The following MAD1L1 variants were observed in gnomAD, a reference collection of about 807,000 sequenced individuals.
MAD1L1 encodes mitotic spindle assembly checkpoint protein MAD1.
MAD1L1 carries 95 observed loss-of-function variants against 96.9 expected under a neutral mutation model. That is an observed-to-expected ratio of 0.98 (90% CI 0.83 to 1.16). The LOEUF (loss-of-function observed/expected upper bound fraction) is 1.16. Ranked by LOEUF, MAD1L1 falls within the 50% of genes most tolerant of loss-of-function variation. MAD1L1 has a pLI of 0.00. For missense variants in MAD1L1, 1,007 were observed against 954.4 expected (o/e 1.06, Z -0.73); for synonymous variants, 473 against 396.6 (o/e 1.19, Z -2.29).
At chr7:2,061,213 T>C (rs754964096) in intron 12 of MAD1L1, among the ~76,000 whole-genome samples, 19 of 152,312 alleles carry the variant, frequency 1.2e-4, no homozygotes, top group Non-Finnish European at 1.6e-4. Context: ...GGCGCGTGCC[T>C]GTAGTCCCAG....
chr7:2,113,965 C>T (rs764372395), intron 11 of MAD1L1, among the ~76,000 whole-genome samples: 1 of 152,200 alleles, frequency 6.6e-6, no homozygotes, highest in Non-Finnish European at 1.5e-5. Context: ...GGCCACCAAA[C>T]GCCATGGGGA....
intron 16 of MAD1L1, among the ~76,000 whole-genome samples, chr7:1,947,949 G>T (rs955561701): frequency 1.3e-5 from 2 of 152,210 alleles, no homozygotes; most frequent in Non-Finnish European, 2.9e-5. Context: ...GCAGCCTGAA[G>T]CAGACAGAGA....
At chr7:2,106,881 G>C (rs537649380) in intron 11 of MAD1L1, among the ~76,000 whole-genome samples, 1 of 152,226 alleles carries the variant, frequency 6.6e-6, no homozygotes, top group East Asian at 1.9e-4. Flanking sequence ...CCTGGCCCTG[G>C]CTGAGAGACA....
chr7:2,110,413 GA>G (rs1247584006), intron 11 of MAD1L1, among the ~76,000 whole-genome samples: 1 of 152,206 alleles, frequency 6.6e-6, no homozygotes, highest in African/African-American at 2.4e-5. Context: ...GCGGAAATCA[GA>G]CCCCGCAGGG....
At chr7:1,852,661 T>C (rs1784039618) in intron 18 of MAD1L1, among the ~76,000 whole-genome samples, 1 of 151,822 alleles carries the variant, frequency 6.6e-6, no homozygotes, top group African/African-American at 2.4e-5. Flanking sequence ...AGGGGAGAAA[T>C]CTAATAAAAA....
At chr7:2,225,247 CCCAGGGA>C (rs1318098203) in intron 4 of MAD1L1, among the ~76,000 whole-genome samples, 156 bp downstream of exon 4, 2 of 38,900 alleles carry the variant, frequency 5.1e-5, no homozygotes, top group African/African-American at 1.1e-4. Context: ...CCCCCTTGCT[CCCAGGGA>C]CTGGGATCTG....
intron 12 of MAD1L1, among the ~76,000 whole-genome samples, chr7:2,017,652 C>T (rs979975970): frequency 2.6e-5 from 4 of 152,180 alleles, no homozygotes; most frequent in East Asian, 1.9e-4. Context: ...GTTGAGTAGG[C>T]GCCCAGAGGA....
At chr7:1,956,976 AG>A in intron 16 of MAD1L1, among the ~76,000 whole-genome samples, 1 of 152,358 alleles carries the variant, frequency 6.6e-6, no homozygotes, top group East Asian at 1.9e-4. Flanking sequence ...GGCTCTGCTC[AG>A]CCCAACACCC....
intron 16 of MAD1L1, among the ~76,000 whole-genome samples, chr7:1,949,445 G>A (rs565899072): frequency 5.9e-5 from 9 of 152,324 alleles, no homozygotes; most frequent in South Asian, 2.1e-4. Flanking sequence ...GACTCAAGAC[G>A]TCCTTGAGAA....
chr7:1,888,492 G>C (rs973863010), intron 18 of MAD1L1, among the ~76,000 whole-genome samples: 6 of 151,728 alleles, frequency 4.0e-5, no homozygotes, highest in Non-Finnish European at 7.4e-5. Flanking sequence ...GTGCATGCAT[G>C]TATGTGGCTG....
chr7:1,925,944 A>T (rs1205579019), intron 17 of MAD1L1, among the ~76,000 whole-genome samples: 1 of 152,220 alleles, frequency 6.6e-6, no homozygotes, highest in Non-Finnish European at 1.5e-5. Flanking sequence ...ACAACAGCAA[A>T]ATATCAATGA....
chr7:1,971,634 A>G (rs1022166462), intron 15 of MAD1L1, among the ~76,000 whole-genome samples: 1 of 152,148 alleles, frequency 6.6e-6, no homozygotes, highest in African/African-American at 2.4e-5. Flanking sequence ...CTCTCTCAAA[A>G]TCCCGGTAAA....
chr7:2,231,149 C>T lies in MAD1L1; in HGVS notation c.-189-422G>A, dbSNP rs527682992. 8.5e-5 allele frequency among the ~76,000 whole-genome samples: 13 copies of T among 152,070 alleles called. No homozygotes were observed. In the South Asian group the frequency reaches 2.7e-3, roughly 32 times the overall value. On this transcript the variant is annotated intron_variant, in intron 1 of 18. Transcript: ENST00000265854. ...CCCCACCTCTAATAAAATACAAAAA[C>T]TAGCCGGGTGTGGTGGTGTGCGCCT...
intron 18 of MAD1L1, among the ~76,000 whole-genome samples, chr7:1,860,099 T>A (rs368182397): frequency 0.012 from 1,570 of 128,532 alleles, 19 homozygotes; most frequent in African/African-American, 0.044. Flanking sequence ...CCTGACATCC[T>A]GCGGGGCGGC....
At position 1,855,584 on chromosome 7, in the gene MAD1L1, C is replaced by G. The variant is rs1281977282; in HGVS notation, c.1999-39356G>C. 7.9e-5 allele frequency among the ~76,000 whole-genome samples: 12 copies of G among 152,164 alleles called. No individual in the cohort carries two copies. The East Asian group carries it at 2.1e-3, about 27-fold the overall frequency. Reference sequence around the variant, plus strand: ...CCCAGCTCCACCCGAGGCGGGTCTCCCCTCACCACCACACACACCCACGGC... The same window carrying G: ...CCCAGCTCCACCCGAGGCGGGTCTCGCCTCACCACCACACACACCCACGGC... On this transcript the variant is annotated intron_variant, in intron 18 of 18. Transcript: ENST00000265854.
At chr7:1,928,466 C>T (rs4721211) in intron 17 of MAD1L1, among the ~76,000 whole-genome samples, 5,796 of 152,264 alleles carry the variant, frequency 0.038, 233 homozygotes, top group African/African-American at 0.095. Flanking sequence ...GAGCCCACGA[C>T]GGAACTCCTG....
At chr7:2,225,031 G>C (rs1301850090) in intron 4 of MAD1L1, among the ~76,000 whole-genome samples, 2 of 152,196 alleles carry the variant, frequency 1.3e-5, no homozygotes, top group African/African-American at 2.4e-5. Context: ...AAAAGAATCT[G>C]TGCCAGCACC....
intron 18 of MAD1L1, among the ~76,000 whole-genome samples, chr7:1,820,613 G>C (rs1276634754): frequency 1.3e-5 from 2 of 151,948 alleles, no homozygotes; most frequent in East Asian, 1.9e-4. Context: ...TAATCAATCA[G>C]CCAGGTGTGG....
chr7:2,221,871 C>T (rs1011966409), intron 5 of MAD1L1, among the ~76,000 whole-genome samples: 22 of 152,170 alleles, frequency 1.4e-4, no homozygotes, highest in African/African-American at 5.3e-4. Context: ...CTGAGCACAA[C>T]GGCTGCAGAG....
Sources: allele counts gnomAD v4.1 joint callset (sites outside exome capture counted in the v4.1 genomes callset), GRCh38; gene constraint gnomAD v4.1.1; transcripts MANE v1.5; gene names NCBI Gene and HGNC (gene_info 2026-07-23, HGNC 2026-07-21).